The following ATP11A variants were observed in gnomAD, a reference collection of about 807,000 sequenced individuals.
The protein encoded by ATP11A is phospholipid-transporting ATPase IH.
Under a neutral mutation model 154.4 loss-of-function variants are expected in ATP11A, and 81 were observed. The ratio of observed to expected loss-of-function variants is 0.52; its 90% confidence interval spans 0.44 to 0.63. The LOEUF is 0.63. Among genes scored for constraint, ATP11A ranks in the 30% least tolerant of loss-of-function variants. The pLI, the probability that ATP11A is intolerant of heterozygous loss-of-function variation, is 0.00. For synonymous variants in ATP11A, 623 were observed against 585.9 expected, an observed-to-expected ratio of 1.06 and a Z score of -0.91; for missense variants, 1,316 against 1,474.3, an observed-to-expected ratio of 0.89 and a Z score of 1.76.
Position 112,875,966 on chromosome 13 carries a change from G to T in ATP11A, c.3327+25G>T. The T allele has an allele frequency of 6.3e-7, 1 of 1,596,222 alleles. No individual in the cohort carries two copies. Among genetic ancestry groups the T allele is most frequent in the Non-Finnish European group, 8.5e-7 (1 of 1,173,148 alleles). On this transcript the variant is annotated intron_variant, in intron 28 of 29. Coordinates refer to ENST00000375645, the MANE Select transcript of ATP11A (RefSeq NM_015205.3). The surrounding 1 kb of genome is among the most constrained non-coding windows in gnomAD (Gnocchi z 4.1). ...GGTACGGAGTGTCCCCAGCCGGGGC[G>T]GGGGTGCCTCAGGGCCCTGGCCTTA... is the stretch of plus-strand genomic sequence containing the variant.
intron 5 of ATP11A, among the ~76,000 whole-genome samples, chr13:112,813,725 G>A (rs1054382575): frequency 5.9e-5 from 9 of 151,934 alleles, no homozygotes; most frequent in Admixed American, 2.6e-4. Flanking sequence ...TCCCACGCAC[G>A]ACGTTGCCAG....
chr13:112,741,723 G>A (rs563607225), intron 1 of ATP11A, among the ~76,000 whole-genome samples: 2 of 152,278 alleles, frequency 1.3e-5, no homozygotes, highest in Admixed American at 1.3e-4. Flanking sequence ...AGTGGATGCC[G>A]GCTGTTTTTG....
Position 112,854,348 on chromosome 13 carries a change from G to A in ATP11A, c.2061G>A (p.Thr687=), listed in dbSNP as rs746222961. Reference sequence around the variant, plus strand: ...CCGGGATCAAAGTCTGGGTTCTCACGGGAGACAAGATGGAGACGGCCGCGG... The same window carrying A: ...CCGGGATCAAAGTCTGGGTTCTCACAGGAGACAAGATGGAGACGGCCGCGG... The part of the protein sequence containing the change: ...QKAGIKVWVL[T]GDKMETAAAT... The change falls in exon 19 of 30, where the codon ACG becomes ACA. Residue 687 remains threonine, a synonymous_variant. Coordinates refer to ENST00000375645, the MANE Select transcript of ATP11A (RefSeq NM_015205.3). 1.1e-5 allele frequency: 17 copies of A among 1,614,008 alleles called. No individual in the cohort carries two copies. Among genetic ancestry groups the A allele is most frequent in the Non-Finnish European group, 1.4e-5 (16 of 1,180,050 alleles).
intron 1 of ATP11A, among the ~76,000 whole-genome samples, chr13:112,778,353 T>C (rs1298599917): frequency 6.6e-6 from 1 of 152,234 alleles, no homozygotes; most frequent in Non-Finnish European, 1.5e-5. Context: ...CATGCAGTTA[T>C]GCTGTGTAAG....
At chr13:112,797,279 C>A (rs1308275250) in intron 2 of ATP11A, among the ~76,000 whole-genome samples, 6 of 66,774 alleles carry the variant, frequency 9.0e-5, no homozygotes, top group East Asian at 4.5e-4. Context: ...GTGAAAACTC[C>A]ATCTCAAAAA....
At chr13:112,716,980 C>T (rs1053212553) in intron 1 of ATP11A, among the ~76,000 whole-genome samples, 1 of 152,224 alleles carries the variant, frequency 6.6e-6, no homozygotes, top group South Asian at 2.1e-4. Flanking sequence ...TGTCCACCCA[C>T]AGACGCAGAC....
chr13:112,814,711 C>G (rs1212253252), intron 5 of ATP11A, among the ~76,000 whole-genome samples: 2 of 152,154 alleles, frequency 1.3e-5, no homozygotes, highest in African/African-American at 4.8e-5. Context: ...TCCCATTGGT[C>G]TCCATGCCCA....
Position 112,690,148 on chromosome 13 carries a change from G to A in ATP11A, c.-269G>A, listed in dbSNP as rs1454972578. 2.7e-5 allele frequency among the ~76,000 whole-genome samples: 4 copies of A among 148,284 alleles called. No individual in the cohort carries two copies. The highest frequency in any genetic ancestry group is 4.5e-5 in the Non-Finnish European group (3 of 66,462). On this transcript the variant is annotated 5_prime_UTR_variant, in exon 1 of 30. Transcript: ENST00000375645. The surrounding 1 kb of genome is among the most constrained non-coding windows in gnomAD (Gnocchi z 5.6). ...CCGAGCGGGCGGACCGACGGGGAGA[G>A]AGAAGGCGCCAGAGCGCGCGCGCGC...
intron 8 of ATP11A, 84 bp downstream of exon 8, chr13:112,820,034 C>A: frequency 7.5e-7 from 1 of 1,336,336 alleles, no homozygotes; most frequent in Non-Finnish European, 1.0e-6. Context: ...AGGGTTTCCA[C>A]GGCGGCTGCT....
rs141625696 is a variant in ATP11A at position 112,768,429 on chromosome 13, G to A, written c.40-16706G>A. Among the ~76,000 whole-genome samples the A allele has an allele frequency of 4.1e-3, 631 of 152,350 alleles. 4 individuals carry two copies. Among genetic ancestry groups the A allele is most frequent in the African/African-American group, 0.014 (573 of 41,582 alleles). On this transcript the variant is annotated intron_variant, in intron 1 of 29. Coordinates refer to ENST00000375645, the MANE Select transcript of ATP11A (RefSeq NM_015205.3). ...GGGTGCCTGCCGGATTTCAGACAGC[G>A]CATTCACAGACTGTCGCCAGCTGAG...
At chr13:112,748,419 G>A (rs986855497) in intron 1 of ATP11A, among the ~76,000 whole-genome samples, 1 of 151,966 alleles carries the variant, frequency 6.6e-6, no homozygotes, top group African/African-American at 2.4e-5. Context: ...AGGCTGGAGA[G>A]CAATAGCATG....
At chr13:112,834,169 A>G (rs771014934) in intron 14 of ATP11A, among the ~76,000 whole-genome samples, 25 of 152,342 alleles carry the variant, frequency 1.6e-4, no homozygotes, top group Non-Finnish European at 3.4e-4. Context: ...CAGTGACTCA[A>G]GGGCCTTGGT....
At chr13:112,692,840 G>A (rs1219996262) in intron 1 of ATP11A, among the ~76,000 whole-genome samples, 1 of 152,060 alleles carries the variant, frequency 6.6e-6, no homozygotes. Flanking sequence ...TTGCGTTATC[G>A]TCCACTATGT....
chr13:112,822,470 C>A (rs181080054), intron 8 of ATP11A, among the ~76,000 whole-genome samples: 31 of 152,260 alleles, frequency 2.0e-4, no homozygotes, highest in Non-Finnish European at 2.5e-4. Flanking sequence ...ATGTCCCCCC[C>A]ATTCAGAGGA....
At chr13:112,767,727 C>T (rs889730226) in intron 1 of ATP11A, among the ~76,000 whole-genome samples, 1 of 152,134 alleles carries the variant, frequency 6.6e-6, no homozygotes, top group Non-Finnish European at 1.5e-5. Flanking sequence ...CCCACTTGGC[C>T]AATGATATCA....
At chr13:112,850,223 T>C (rs2079724535) in intron 17 of ATP11A, among the ~76,000 whole-genome samples, 1 of 152,194 alleles carries the variant, frequency 6.6e-6, no homozygotes, top group Non-Finnish European at 1.5e-5. Flanking sequence ...GATTTTAAAA[T>C]GGTTATTTGG....
At chr13:112,880,366 G>A in intron 29 of ATP11A, 1 of 360,588 alleles carries the variant, frequency 2.8e-6, no homozygotes, top group South Asian at 3.6e-5. Context: ...TGCTGGGACA[G>A]TGTTTTCCCA....
Position 112,832,981 on chromosome 13 carries a change from C to A in ATP11A, c.1517C>A (p.Ser506Ter). 1.2e-6 allele frequency: 2 copies of A among 1,613,696 alleles called. No homozygotes were observed. The highest frequency in any genetic ancestry group is 1.7e-6 in the Non-Finnish European group (2 of 1,179,884). The change falls in exon 14 of 30, where the codon TCA becomes TAA. Residue 506 changes from serine to a stop codon, truncating the protein, a stop_gained. Coordinates refer to ENST00000375645, the MANE Select transcript of ATP11A (RefSeq NM_015205.3). LOFTEE classifies it high-confidence loss of function. ...PDGGKSCVYI[S>*]SSPDEVALVE... ...GGGGGGAAATCCTGTGTGTACATCT[C>A]ATCCTCGCCCGACGAGGTGGCGCTG...
At position 112,826,930 on chromosome 13, in the gene ATP11A, A is replaced by G. The variant is rs74367513; in HGVS notation, c.1221+39A>G. 908 of 1,607,014 alleles carry G rather than the reference A, an allele frequency of 5.7e-4. 3 individuals are homozygous for G. In the African/African-American group the frequency reaches 0.011, roughly 19 times the overall value. On this transcript the variant is annotated intron_variant, in intron 12 of 29. Coordinates refer to ENST00000375645, the MANE Select transcript of ATP11A (RefSeq NM_015205.3). Reference sequence around the variant, plus strand: ...GAGTCATCTGCTGTGATTTATTAACATCTGGGTGAGTCTGCTTCACGTTCC... The same window carrying G: ...GAGTCATCTGCTGTGATTTATTAACGTCTGGGTGAGTCTGCTTCACGTTCC...
Sources: gnomAD v4.1 joint callset for allele counts (sites outside exome capture counted in the v4.1 genomes callset) on GRCh38, gnomAD v4.1.1 for gene constraint, Gnocchi (gnomAD v3.1) non-coding constraint, MANE v1.5 for transcripts, NCBI Gene and HGNC (gene_info 2026-07-23, HGNC 2026-07-21) for gene names.